Variants in FAM193B observed in about 807,000 individuals in gnomAD.
FAM193B encodes the protein family with sequence similarity 193 member B.
A neutral mutation model predicts 70.7 loss-of-function variants in FAM193B; 27 were observed. The ratio of observed to expected loss-of-function variants is 0.38; its 90% CI spans 0.28 to 0.53. The LOEUF (loss-of-function observed/expected upper bound fraction) is 0.53, where lower values mean the gene tolerates loss of function less well. Ranked by LOEUF, FAM193B falls within the 20% of genes least tolerant of loss-of-function variation. FAM193B has a pLI of 0.81. For missense variants in FAM193B, 1,022 were observed against 1,072.5 expected (o/e 0.95, Z 0.66); for synonymous variants, 448 against 436.0 (o/e 1.03, Z -0.34).
At chr5:177,543,778 T>G (rs763639952) in intron 1 of FAM193B, among the ~76,000 whole-genome samples, 4 of 152,270 alleles carry the variant, frequency 2.6e-5, no homozygotes, top group Non-Finnish European at 4.4e-5. Context: ...CTGGCATTCA[T>G]GACCCCTTAT....
At chr5:177,528,001 A>G (rs999569557) in intron 5 of FAM193B, among the ~76,000 whole-genome samples, 2 of 152,194 alleles carry the variant, frequency 1.3e-5, no homozygotes, top group Admixed American at 6.5e-5. Context: ...GGCTGTTTCT[A>G]GATGGCATCT....
chr5:177,533,884 C>T (rs1447267790), intron 4 of FAM193B, among the ~76,000 whole-genome samples: 2 of 152,240 alleles, frequency 1.3e-5, no homozygotes, highest in Non-Finnish European at 2.9e-5. Flanking sequence ...CATATTCTCT[C>T]CACTGTATTG....
chr5:177,554,536 GCTCC>G lies in FAM193B; in HGVS notation c.-82_-79del. ...CGCCGCCGCCGCCGCCGCCGCTACC[GCTCC>G]CCTCACAGGACAACAGCCAATATGG... On this transcript the variant is annotated 5_prime_UTR_variant, in exon 1 of 9. Transcript: ENST00000514747. The G allele has an allele frequency of 4.5e-6, 4 of 886,922 alleles. No homozygotes were observed. The highest frequency in any genetic ancestry group is 5.4e-6 in the Non-Finnish European group (4 of 736,740). 54.9% of individuals were successfully genotyped at this position (886,922 alleles called of 1,614,324 possible). A position where few individuals can be genotyped will look rare whatever the true frequency, so the allele number is the denominator to read the frequency against.
Position 177,540,143 on chromosome 5 carries a change from A to G in FAM193B, c.211-996T>C, listed in dbSNP as rs1339396806. 2.0e-5 allele frequency among the ~76,000 whole-genome samples: 3 copies of G among 152,072 alleles called. No homozygotes were observed. In the East Asian group the frequency reaches 5.8e-4, roughly 29 times the overall value. On this transcript the variant is annotated intron_variant, in intron 1 of 8. Coordinates refer to ENST00000514747, the MANE Select transcript of FAM193B (RefSeq NM_001190946.3). ...AACACAGTGAAACCCCGTCTCCACT[A>G]AAAACACAAAAAAATTAGCTGGGCA...
intron 1 of FAM193B, among the ~76,000 whole-genome samples, chr5:177,545,795 T>A (rs899420473): frequency 4.6e-5 from 7 of 152,308 alleles, no homozygotes; most frequent in Admixed American, 4.6e-4. Context: ...TGGATTGAAT[T>A]TCCAGCACTC....
chr5:177,552,325 G>A (rs1455773102), intron 1 of FAM193B, among the ~76,000 whole-genome samples: 1 of 152,176 alleles, frequency 6.6e-6, no homozygotes, highest in African/African-American at 2.4e-5. Context: ...AGGTGAGGTG[G>A]GAAGATTAGA....
At chr5:177,543,468 T>C (rs914160627) in intron 1 of FAM193B, among the ~76,000 whole-genome samples, 2 of 152,230 alleles carry the variant, frequency 1.3e-5, no homozygotes, top group African/African-American at 4.8e-5. Flanking sequence ...CTCTCTGAGT[T>C]TGGTACACTT....
Position 177,538,894 on chromosome 5 carries a change from CG to C in FAM193B, c.453+10del. 6.2e-7 allele frequency: 1 copy of C among 1,613,006 alleles called. No individual in the cohort carries two copies. Among genetic ancestry groups the C allele is most frequent in the Non-Finnish European group, 8.5e-7 (1 of 1,179,156 alleles). On this transcript the variant is annotated intron_variant, in intron 2 of 8. Transcript: ENST00000514747. This position sits in a 1 kb window ranked among gnomAD's most constrained non-coding sequence, Gnocchi z 4.1. ...TCCTGCATTCAGGGACCCCTGTCAGCGGTTACCTACCGCCACTGCATGTTCT... is the reference window on the plus strand; with the variant it reads ...TCCTGCATTCAGGGACCCCTGTCAGCGTTACCTACCGCCACTGCATGTTCT...
chr5:177,547,874 T>C (rs1048985906), intron 1 of FAM193B, among the ~76,000 whole-genome samples: 2 of 152,194 alleles, frequency 1.3e-5, no homozygotes, highest in Non-Finnish European at 2.9e-5. Flanking sequence ...TGCAGCATGT[T>C]GGCCCACAGG....
chr5:177,533,862 C>A (rs990156385), intron 4 of FAM193B, among the ~76,000 whole-genome samples: 11 of 152,212 alleles, frequency 7.2e-5, no homozygotes, highest in Admixed American at 2.0e-4. Flanking sequence ...ACGTTTCTCT[C>A]TATGCAAAGC....
At position 177,532,285 on chromosome 5, in the gene FAM193B, G is replaced by A. The variant is rs775418583; in HGVS notation, c.1275+158C>T. On this transcript the variant is annotated intron_variant, in intron 5 of 8. Coordinates refer to ENST00000514747, the MANE Select transcript of FAM193B (RefSeq NM_001190946.3). The surrounding 1 kb of genome is among the most constrained non-coding windows in gnomAD (Gnocchi z 4.9). ...TTAAAAACCCCTACCTCACAAATGT[G>A]CTGTGAGGATCAAGCGAGCAGACGC... 7.4e-5 allele frequency: 110 copies of A among 1,485,208 alleles called. No individual in the cohort carries two copies. The highest frequency in any genetic ancestry group is 9.7e-5 in the Non-Finnish European group (109 of 1,119,916). The allele number at this position is 1,485,208 out of a possible 1,614,324, so 92.0% of individuals were successfully genotyped here.
chr5:177,522,146 A>G, intron 7 of FAM193B, 75 bp from the exon 8 acceptor site: 1 of 1,192,248 alleles, frequency 8.4e-7, no homozygotes, highest in Non-Finnish European at 1.2e-6. Context: ...CTAAGGTACC[A>G]TGTCCCCATC....
intron 1 of FAM193B, chr5:177,554,039 T>G: frequency 7.5e-7 from 1 of 1,338,834 alleles, no homozygotes; most frequent in Non-Finnish European, 9.6e-7. Context: ...TTCAGCCTAG[T>G]CGCAGGAGCG....
chr5:177,545,264 G>C (rs967304359), intron 1 of FAM193B, among the ~76,000 whole-genome samples: 7 of 152,036 alleles, frequency 4.6e-5, no homozygotes, highest in Non-Finnish European at 1.0e-4. Context: ...TGCCGGTCTT[G>C]AACTCCTGAC....
At chr5:177,528,428 C>T (rs1472275212) in intron 5 of FAM193B, among the ~76,000 whole-genome samples, 2 of 152,070 alleles carry the variant, frequency 1.3e-5, no homozygotes, top group Admixed American at 6.5e-5. Context: ...GCTCAAGGAG[C>T]AGTTTGCTTC....
intron 7 of FAM193B, 96 bp downstream of exon 7, chr5:177,523,861 G>T: frequency 1.5e-6 from 2 of 1,375,716 alleles, no homozygotes; most frequent in Non-Finnish European, 2.1e-6. Context: ...GGCCAAGGGA[G>T]CAGGCCTTTC....
Position 177,525,182 on chromosome 5 carries a change from T to G in FAM193B, c.1299A>C (p.Ala433=). Residue 433 remains alanine, a synonymous_variant, in exon 6 of 9, where the codon GCA becomes GCC. Transcript: ENST00000514747. ...HNAEKEKAQL[A]AEALKQANRV... ...GATTTGCCTGCTTTAGAGCTTCTGC[T>G]GCCAACTGGGCCTTCTCCTTTTCCT... 1 of 1,472,480 alleles carries G rather than the reference T, an allele frequency of 6.8e-7. No individual in the cohort carries two copies. The highest frequency in any genetic ancestry group is 9.0e-7 in the Non-Finnish European group (1 of 1,109,150). The allele number at this position is 1,472,480 out of a possible 1,614,324, so 91.2% of individuals were successfully genotyped here. A position where few individuals can be genotyped will look rare whatever the true frequency, so the allele number is the denominator to read the frequency against.
chr5:177,525,229 A>G, intron 5 of FAM193B, 24 bp from the exon 6 acceptor site: 4 of 1,437,336 alleles, frequency 2.8e-6, no homozygotes, highest in Non-Finnish European at 3.7e-6. Flanking sequence ...AGGCAGTTTT[A>G]GCAGGAGGCT....
At chr5:177,549,182 CTTTTCT>C (rs1409312791) in intron 1 of FAM193B, among the ~76,000 whole-genome samples, 15 of 128,630 alleles carry the variant, frequency 1.2e-4, no homozygotes, top group Non-Finnish European at 1.9e-4. Flanking sequence ...ACTGGATTGT[CTTTTCT>C]TTTTTTTTTT....
Sources: gnomAD v4.1 joint callset for allele counts (sites outside exome capture counted in the v4.1 genomes callset) on GRCh38, gnomAD v4.1.1 for gene constraint, Gnocchi (gnomAD v3.1) non-coding constraint, MANE v1.5 for transcripts, NCBI Gene and HGNC (gene_info 2026-07-23, HGNC 2026-07-21) for gene names.